Variants in ROBO3 observed in about 807,000 individuals in gnomAD.
ROBO3 encodes roundabout homolog 3.
Under a neutral mutation model 160.5 loss-of-function variants are expected in ROBO3, and 97 were observed. The ratio of observed to expected loss-of-function variants is 0.60; its 90% CI spans 0.51 to 0.72. The LOEUF is 0.72. Among genes scored for constraint, ROBO3 ranks in the 30% least tolerant of loss-of-function variants. ROBO3 has a pLI of 0.00. For synonymous variants in ROBO3, 780 were observed against 746.2 expected, an observed-to-expected ratio of 1.05 and a Z score of -0.74; for missense variants, 1,858 against 1,846.5, an observed-to-expected ratio of 1.01 and a Z score of -0.11.
At position 124,869,394 on chromosome 11, in the gene ROBO3, C is replaced by T; in HGVS notation, c.488-56C>T. ...CAAGACAACACTTTCCCTGTGTCCTCAGCCAGTTATGTCACTCTACACCCT... is the reference window on the plus strand; with the variant it reads ...CAAGACAACACTTTCCCTGTGTCCTTAGCCAGTTATGTCACTCTACACCCT... On this transcript the variant is annotated intron_variant, in intron 2 of 27. Coordinates refer to ENST00000397801, the MANE Select transcript of ROBO3 (RefSeq NM_022370.4). The surrounding 1 kb of genome is among the most constrained non-coding windows in gnomAD (Gnocchi z 4.2). 5 of 1,444,804 alleles carry T rather than the reference C, an allele frequency of 3.5e-6. No individual in the cohort carries two copies. Among genetic ancestry groups the T allele is most frequent in the Non-Finnish European group, 4.8e-6 (5 of 1,051,646 alleles). 89.5% of individuals were successfully genotyped at this position (1,444,804 alleles called of 1,614,324 possible). A position where few individuals can be genotyped will look rare whatever the true frequency, so the allele number is the denominator to read the frequency against.
Position 124,865,746 on chromosome 11 carries a change from C to G in ROBO3, c.160+9C>G. 6.2e-7 allele frequency: 1 copy of G among 1,602,094 alleles called. No individual in the cohort carries two copies. The highest frequency in any genetic ancestry group is 8.5e-7 in the Non-Finnish European group (1 of 1,175,424). On this transcript the variant is annotated intron_variant, in intron 1 of 27. Coordinates refer to ENST00000397801, the MANE Select transcript of ROBO3 (RefSeq NM_022370.4). The surrounding 1 kb of genome is among the most constrained non-coding windows in gnomAD (Gnocchi z 5.5). The stretch of plus-strand genomic sequence containing the variant: ...CGATCCCTCTCTCAACGGTGAGACC[C>G]TGCCTCTTGGGGATATGGGATCCTG...
intron 14 of ROBO3, 32 bp from the exon 15 acceptor site, chr11:124,875,532 T>G: frequency 6.2e-7 from 1 of 1,609,740 alleles, no homozygotes; most frequent in Non-Finnish European, 8.5e-7. Context: ...TGACTATTTG[T>G]GTCCTTCTCA....
chr11:124,876,799 T>A lies in ROBO3; in HGVS notation c.2779+339T>A, dbSNP rs1005553061. ...GGGGGCGGGGCCTGGCAAGAGGGGG[T>A]GTGGCCAGGATCCCAGGCAGTAAAT... On this transcript the variant is annotated intron_variant, in intron 17 of 27. Coordinates refer to ENST00000397801, the MANE Select transcript of ROBO3 (RefSeq NM_022370.4). This position sits in a 1 kb window ranked among gnomAD's most constrained non-coding sequence, Gnocchi z 5.3. 1.3e-5 allele frequency: 6 copies of A among 447,900 alleles called. No homozygotes were observed. The highest frequency in any genetic ancestry group is 1.3e-4 in the African/African-American group (6 of 47,614). The allele number at this position is 447,900 out of a possible 1,614,324, so 27.7% of individuals were successfully genotyped here. A position where few individuals can be genotyped will look rare whatever the true frequency, so the allele number is the denominator to read the frequency against.
At chr11:124,871,861 G>T (rs1438663589) in intron 7 of ROBO3, among the ~76,000 whole-genome samples, 2 of 152,194 alleles carry the variant, frequency 1.3e-5, no homozygotes, top group Non-Finnish European at 2.9e-5. Flanking sequence ...ATTCTCACAT[G>T]AATAAAAAGG....
intron 27 of ROBO3, among the ~76,000 whole-genome samples, 184 bp from the exon 28 acceptor site, chr11:124,881,055 A>G (rs976697602): frequency 5.9e-5 from 9 of 152,036 alleles, no homozygotes; most frequent in Non-Finnish European, 1.0e-4. Flanking sequence ...CTCTGTCTCA[A>G]ACAAACAAAC....
intron 23 of ROBO3, 111 bp from the exon 24 acceptor site, chr11:124,879,079 G>C: frequency 7.9e-7 from 1 of 1,271,564 alleles, no homozygotes; most frequent in African/African-American, 1.5e-5. Context: ...ACGGGCGGAC[G>C]GGTTGTGTCT....
At chr11:124,877,710 C>T in intron 20 of ROBO3, 52 bp downstream of exon 20, 6 of 1,596,302 alleles carry the variant, frequency 3.8e-6, no homozygotes, top group Non-Finnish European at 5.1e-6. Flanking sequence ...TCCCGACCTA[C>T]TGGGGCAAAC....
Position 124,876,839 on chromosome 11 carries a change from T to A in ROBO3, c.2780-322T>A. On this transcript the variant is annotated intron_variant, in intron 17 of 27. Transcript: ENST00000397801. The surrounding 1 kb of genome is among the most constrained non-coding windows in gnomAD (Gnocchi z 5.3). The stretch of plus-strand genomic sequence containing the variant: ...AGGCAGTAAATTGTGCGGCGGGGTC[T>A]GGATGGAAAGGCGGGGCCCGCTGAA... The A allele has an allele frequency of 1.8e-6, 1 of 551,486 alleles. No individual in the cohort carries two copies. Among genetic ancestry groups the A allele is most frequent in the Non-Finnish European group, 3.2e-6 (1 of 309,514 alleles). The allele number at this position is 551,486 out of a possible 1,614,324, so 34.2% of individuals were successfully genotyped here. A position where few individuals can be genotyped will look rare whatever the true frequency, so the allele number is the denominator to read the frequency against.
Position 124,865,685 on chromosome 11 carries a change from G to A in ROBO3, c.108G>A (p.Ser36=), listed in dbSNP as rs1946187046. 1 of 1,611,774 alleles carries A rather than the reference G, an allele frequency of 6.2e-7. No homozygotes were observed. The highest frequency in any genetic ancestry group is 1.1e-5 in the South Asian group (1 of 90,424). Residue 36 remains serine, a synonymous_variant, in exon 1 of 28, where the codon TCG becomes TCA. Transcript: ENST00000397801. This position sits in a 1 kb window ranked among gnomAD's most constrained non-coding sequence, Gnocchi z 5.5. ...AGCTGCTCTTGGGCTTCAACTCCTC[G>A]CTGGCGGCGCTCAACCACACCCTGC... is the stretch of plus-strand genomic sequence containing the variant. ...SSELLLGFNS[S]LAALNHTLLP...
chr11:124,871,099 C>T lies in ROBO3; in HGVS notation c.1119C>T (p.Asn373=), dbSNP rs754329825. The change falls in exon 7 of 28, where the codon AAC becomes AAT. Residue 373 remains asparagine (N), a synonymous_variant. Coordinates refer to ENST00000397801, the MANE Select transcript of ROBO3 (RefSeq NM_022370.4). The part of the protein sequence containing the change: ...SVAFQCETKG[N]PPPAIFWQKE... ...CTTTCCAGTGCGAGACCAAAGGAAA[C>T]CCCCCACCTGCCATCTTCTGGCAGA... is the stretch of plus-strand genomic sequence containing the variant. The T allele has an allele frequency of 6.2e-7, 1 of 1,613,364 alleles. No homozygotes were observed. Among genetic ancestry groups the T allele is most frequent in the Non-Finnish European group, 8.5e-7 (1 of 1,179,496 alleles).
rs2135331163 is a variant in ROBO3, at chr11:124,873,862, G to A, written c.1784G>A (p.Ser595Asn). 6.2e-7 allele frequency: 1 copy of A among 1,612,630 alleles called. No individual in the cohort carries two copies. Among genetic ancestry groups the A allele is most frequent in the Non-Finnish European group, 8.5e-7 (1 of 1,179,228 alleles). Residue 595 changes from serine to asparagine, a missense_variant and splice_region_variant, in exon 11 of 28, where the codon AGC becomes AAC. Ser to Asn is a conservative substitution (Grantham distance 46). Transcript: ENST00000397801. The surrounding 1 kb of genome is among the most constrained non-coding windows in gnomAD (Gnocchi z 4.5). ...AVTSYVIEAF[S>N]PAAGNTWRTV... ...ACGTCTTATGTGATAGAGGCCTTCA[G>A]GTATGGAGAAAGTTTTGAATGCAAA... is the stretch of plus-strand genomic sequence containing the variant.
In ROBO3 at chr11:124,876,393, G is replaced by A. The variant is rs1203896505; in HGVS notation, c.2712G>A (p.Leu904=). Residue 904 remains leucine (L), a synonymous_variant, in exon 17 of 28, where the codon CTG becomes CTA. Coordinates refer to ENST00000397801, the MANE Select transcript of ROBO3 (RefSeq NM_022370.4). This position sits in a 1 kb window ranked among gnomAD's most constrained non-coding sequence, Gnocchi z 5.3. ...GCAGCGGCGCAGCCTGCGGGGCGCTGCTTCTCGGGCTCTGCGCCGCCCTCT... is the reference window on the plus strand; with the variant it reads ...GCAGCGGCGCAGCCTGCGGGGCGCTACTTCTCGGGCTCTGCGCCGCCCTCT... The part of the protein sequence containing the change: ...LAGSGAACGA[L]LLGLCAALYW... 1 of 1,451,270 alleles carries A rather than the reference G, an allele frequency of 6.9e-7. No homozygotes were observed. The highest frequency in any genetic ancestry group is 9.0e-7 in the Non-Finnish European group (1 of 1,108,478). The allele number at this position is 1,451,270 out of a possible 1,614,324, so 89.9% of individuals were successfully genotyped here. A position where few individuals can be genotyped will look rare whatever the true frequency, so the allele number is the denominator to read the frequency against.
At position 124,865,751 on chromosome 11, in the gene ROBO3, T is replaced by C. The variant is rs1327009991; in HGVS notation, c.160+14T>C. Reference sequence around the variant, plus strand: ...CCTCTCTCAACGGTGAGACCCTGCCTCTTGGGGATATGGGATCCTGGGATG... The same window carrying C: ...CCTCTCTCAACGGTGAGACCCTGCCCCTTGGGGATATGGGATCCTGGGATG... On this transcript the variant is annotated intron_variant, in intron 1 of 27. Transcript: ENST00000397801. This position sits in a 1 kb window ranked among gnomAD's most constrained non-coding sequence, Gnocchi z 5.5. 3 of 1,597,604 alleles carry C rather than the reference T, an allele frequency of 1.9e-6. No homozygotes were observed. The highest frequency in any genetic ancestry group is 1.7e-5 in the Admixed American group (1 of 58,842).
rs1946303263 is a variant in ROBO3 at position 124,873,249 on chromosome 11, C to G, written c.1537-61C>G. ...CTTCCCATCCTTCTGCTACCCGCCT[C>G]CACCCCCTCACTGGATCTTGCTCCA... On this transcript the variant is annotated intron_variant, in intron 9 of 27. Transcript: ENST00000397801. This position sits in a 1 kb window ranked among gnomAD's most constrained non-coding sequence, Gnocchi z 4.5. 1 of 1,502,652 alleles carries G rather than the reference C, an allele frequency of 6.7e-7. No homozygotes were observed. Among genetic ancestry groups the G allele is most frequent in the Non-Finnish European group, 9.1e-7 (1 of 1,096,758 alleles). The allele number at this position is 1,502,652 out of a possible 1,614,324, so 93.1% of individuals were successfully genotyped here. A position where few individuals can be genotyped will look rare whatever the true frequency, so the allele number is the denominator to read the frequency against.
rs1946265043 is a variant in ROBO3 at position 124,870,366 on chromosome 11, A to G, written c.905+63A>G. ...TGATCAAGAGACTATTCTGCCCTAG[A>G]AAACCGGAAGACAGGCACATTCTCA... On this transcript the variant is annotated intron_variant, in intron 5 of 27. Coordinates refer to ENST00000397801, the MANE Select transcript of ROBO3 (RefSeq NM_022370.4). 3 of 1,558,584 alleles carry G rather than the reference A, an allele frequency of 1.9e-6. No individual in the cohort carries two copies. In the African/African-American group the frequency reaches 4.1e-5, roughly 21 times the overall value.
rs1342870060 is a variant in ROBO3 at position 124,878,638 on chromosome 11, G to C, written c.3375G>C (p.Glu1125Asp). The change falls in exon 23 of 28, where the codon GAG becomes GAC. Residue 1125 changes from glutamate to aspartate, a missense_variant. Coordinates refer to ENST00000397801, the MANE Select transcript of ROBO3 (RefSeq NM_022370.4). This position sits in a 1 kb window ranked among gnomAD's most constrained non-coding sequence, Gnocchi z 4.3. ...PPMPERSHLT[E>D]PSSSGGCLVT... ...TGCCTGAGAGAAGTCACCTGACGGA[G>C]CCCAGCTCCAGTGGAGGGTGCCTGG... is the stretch of plus-strand genomic sequence containing the variant. 1.2e-6 allele frequency: 2 copies of C among 1,613,370 alleles called. No individual in the cohort carries two copies. The highest frequency in any genetic ancestry group is 1.7e-5 in the Admixed American group (1 of 59,928).
At position 124,878,847 on chromosome 11, in the gene ROBO3, A is replaced by C; in HGVS notation, c.3533+51A>C. 7.0e-7 allele frequency: 1 copy of C among 1,434,780 alleles called. No individual in the cohort carries two copies. 88.9% of individuals were successfully genotyped at this position (1,434,780 alleles called of 1,614,324 possible). A position where few individuals can be genotyped will look rare whatever the true frequency, so the allele number is the denominator to read the frequency against. On this transcript the variant is annotated intron_variant, in intron 23 of 27. Transcript: ENST00000397801. The surrounding 1 kb of genome is among the most constrained non-coding windows in gnomAD (Gnocchi z 4.3). ...CATTGCAAGCCCTCTATACGTATCT[A>C]CTCAGTAGATGACTGGGTGGGTGGA...
intron 7 of ROBO3, 110 bp downstream of exon 7, chr11:124,871,248 G>T: frequency 7.5e-7 from 1 of 1,335,082 alleles, no homozygotes; most frequent in Non-Finnish European, 1.0e-6. Context: ...ATCTTTGGGA[G>T]CCCCCAGAAA....
chr11:124,871,606 T>C (rs554229543), intron 7 of ROBO3, among the ~76,000 whole-genome samples: 1 of 152,320 alleles, frequency 6.6e-6, no homozygotes, highest in East Asian at 1.9e-4. Flanking sequence ...TCATCCCTTT[T>C]GAACCTTGCA....
Sources: allele counts gnomAD v4.1 joint callset (sites outside exome capture counted in the v4.1 genomes callset), GRCh38; gene constraint gnomAD v4.1.1; non-coding constraint Gnocchi (gnomAD v3.1); transcripts MANE v1.5; gene names NCBI Gene and HGNC (gene_info 2026-07-23, HGNC 2026-07-21).